The following ACER3 variants were observed in gnomAD, a reference collection of about 807,000 sequenced individuals.
ACER3 encodes the protein alkCDase 3.
In ACER3, 16 loss-of-function variants were observed where a neutral mutation model predicts 48.9. That is an observed-to-expected ratio of 0.33 (90% CI 0.22 to 0.50). ACER3 has a LOEUF of 0.50. ACER3 is among the 20% of genes least tolerant of loss of function. ACER3 has a pLI of 0.98. For missense variants in ACER3, 227 were observed against 326.0 expected, an observed-to-expected ratio of 0.70 and a Z score of 2.34; for synonymous variants, 109 against 107.8, an observed-to-expected ratio of 1.01 and a Z score of -0.07.
intron 1 of ACER3, among the ~76,000 whole-genome samples, chr11:76,881,209 T>G (rs1369047153): frequency 6.6e-6 from 1 of 150,562 alleles, no homozygotes; most frequent in Non-Finnish European, 1.5e-5. Flanking sequence ...GAGGTATGAT[T>G]GCACCACTGC....
intron 3 of ACER3, among the ~76,000 whole-genome samples, chr11:76,968,649 A>G (rs531330149): frequency 2.6e-5 from 4 of 152,324 alleles, no homozygotes; most frequent in South Asian, 2.1e-4. Flanking sequence ...CATATCTACA[A>G]CTATCTGATC....
chr11:76,932,826 T>C lies in ACER3; in HGVS notation c.214+6159T>C, dbSNP rs79377283. 2.5e-3 allele frequency among the ~76,000 whole-genome samples: 386 copies of C among 152,144 alleles called. 2 individuals are homozygous for C. Among genetic ancestry groups the C allele is most frequent in the African/African-American group, 8.9e-3 (369 of 41,518 alleles). On this transcript the variant is annotated intron_variant, in intron 2 of 10. Coordinates refer to ENST00000532485, the MANE Select transcript of ACER3 (RefSeq NM_018367.7). ...ACTTGGAGATGTTTGAAAAACTATATGGAAAAGAGAAGAGAGGACTCAAGG... is the reference window on the plus strand; with the variant it reads ...ACTTGGAGATGTTTGAAAAACTATACGGAAAAGAGAAGAGAGGACTCAAGG...
chr11:76,930,841 A>C (rs1946979905), intron 2 of ACER3, among the ~76,000 whole-genome samples: 1 of 151,916 alleles, frequency 6.6e-6, no homozygotes, highest in African/African-American at 2.4e-5. Context: ...AGTTTGTTAT[A>C]ATTTCTGTTC....
At chr11:76,969,972 C>A (rs1247163128) in intron 3 of ACER3, among the ~76,000 whole-genome samples, 1 of 149,092 alleles carries the variant, frequency 6.7e-6, no homozygotes, top group Non-Finnish European at 1.5e-5. Context: ...AAAAAAGAAA[C>A]CTGTTTAATA....
At chr11:76,925,985 G>T (rs961400594) in intron 1 of ACER3, among the ~76,000 whole-genome samples, 2 of 151,926 alleles carry the variant, frequency 1.3e-5, no homozygotes, top group Non-Finnish European at 2.9e-5. Context: ...ATTCATGTTT[G>T]CACTTTGTTT....
intron 9 of ACER3, 56 bp from the exon 10 acceptor site, chr11:77,019,675 T>C (rs1949439030): frequency 6.4e-7 from 1 of 1,560,346 alleles, no homozygotes; most frequent in Non-Finnish European, 8.8e-7. Context: ...AGTACGCCAG[T>C]TTGCATGAAT....
chr11:76,875,820 C>T (rs546351751), intron 1 of ACER3, among the ~76,000 whole-genome samples: 98 of 145,150 alleles, frequency 6.8e-4, no homozygotes, highest in Non-Finnish European at 1.1e-3. Context: ...ACTGCAACCT[C>T]CCCGTCCCAG....
intron 1 of ACER3, among the ~76,000 whole-genome samples, chr11:76,893,704 A>G (rs1945864604): frequency 6.6e-6 from 1 of 152,254 alleles, no homozygotes; most frequent in Non-Finnish European, 1.5e-5. Flanking sequence ...TGAGGATCAA[A>G]TTAGACAATG....
intron 2 of ACER3, among the ~76,000 whole-genome samples, chr11:76,935,844 G>A (rs977077320): frequency 6.6e-6 from 1 of 152,142 alleles, no homozygotes; most frequent in African/African-American, 2.4e-5. Flanking sequence ...CATTTCAAGT[G>A]TTCAATACCC....
At chr11:77,008,563 G>C (rs1280290330) in intron 7 of ACER3, among the ~76,000 whole-genome samples, 1 of 152,146 alleles carries the variant, frequency 6.6e-6, no homozygotes, top group Non-Finnish European at 1.5e-5. Context: ...GCTTCTTAAA[G>C]TCTTAGTTAT....
At chr11:76,866,011 A>G (rs1379718913) in intron 1 of ACER3, among the ~76,000 whole-genome samples, 1 of 147,210 alleles carries the variant, frequency 6.8e-6, no homozygotes, top group Non-Finnish European at 1.5e-5. Context: ...TTTTTGGTAG[A>G]GATGGGGTTT....
At chr11:76,869,547 A>G (rs1315939481) in intron 1 of ACER3, among the ~76,000 whole-genome samples, 2 of 152,216 alleles carry the variant, frequency 1.3e-5, no homozygotes, top group Non-Finnish European at 2.9e-5. Context: ...TTCAGTAGTC[A>G]ATAGTGTTAA....
chr11:76,925,189 C>T (rs1387699780), intron 1 of ACER3, among the ~76,000 whole-genome samples: 8 of 151,988 alleles, frequency 5.3e-5, no homozygotes, highest in Non-Finnish European at 8.8e-5. Context: ...AAGAACGATG[C>T]GTCCATGTTT....
rs938179104 is a variant in ACER3, at chr11:76,933,436, G to C, written c.214+6769G>C. On this transcript the variant is annotated intron_variant, in intron 2 of 10. Coordinates refer to ENST00000532485, the MANE Select transcript of ACER3 (RefSeq NM_018367.7). ...TAGGCAGAGGACCCTGCAGCCTTCC[G>C]CAGTGTTTGTGTCCCTGGGTACTTG... Among the ~76,000 whole-genome samples the C allele has an allele frequency of 5.6e-4, 83 of 148,140 alleles. No homozygotes were observed. In the Middle Eastern group the frequency reaches 0.014, roughly 24 times the overall value.
intron 1 of ACER3, among the ~76,000 whole-genome samples, chr11:76,915,476 G>A (rs912989888): frequency 6.6e-6 from 1 of 152,038 alleles, no homozygotes; most frequent in South Asian, 2.1e-4. Context: ...TTGTCTCGAT[G>A]TTAACAGGTG....
intron 1 of ACER3, among the ~76,000 whole-genome samples, chr11:76,903,121 TTGTC>T (rs1267676370): frequency 1.3e-5 from 2 of 152,170 alleles, no homozygotes; most frequent in Non-Finnish European, 2.9e-5. Flanking sequence ...GCTACATAGT[TTGTC>T]TGCAAGTTTT....
At chr11:76,997,133 A>AT (rs1948931065) in intron 6 of ACER3, among the ~76,000 whole-genome samples, 1 of 152,182 alleles carries the variant, frequency 6.6e-6, no homozygotes, top group Non-Finnish European at 1.5e-5. Flanking sequence ...ACAATATACT[A>AT]TAAGGATCTT....
chr11:76,903,877 G>A (rs73507847), intron 1 of ACER3, among the ~76,000 whole-genome samples: 3,760 of 152,158 alleles, frequency 0.025, 145 homozygotes, highest in African/African-American at 0.086. Context: ...ATCTTTTAAG[G>A]TCTGATAGGA....
chr11:76,968,219 G>A (rs951420641), intron 3 of ACER3, among the ~76,000 whole-genome samples: 2 of 150,434 alleles, frequency 1.3e-5, no homozygotes, highest in African/African-American at 4.9e-5. Context: ...AAAATACCTA[G>A]GAATCCAACT....
Sources: allele counts gnomAD v4.1 joint callset (sites outside exome capture counted in the v4.1 genomes callset), GRCh38; gene constraint gnomAD v4.1.1; transcripts MANE v1.5; gene names NCBI Gene and HGNC (gene_info 2026-07-23, HGNC 2026-07-21).